Variants in ADAP1 observed in about 807,000 individuals in gnomAD.
ADAP1 encodes ArfGAP with dual PH domains 1.
Under a neutral mutation model 54.9 loss-of-function variants are expected in ADAP1, and 31 were observed. The observed-to-expected ratio is 0.56, with a 90% CI of 0.42 to 0.76. The LOEUF (loss-of-function observed/expected upper bound fraction) is 0.76. Among genes scored for constraint, ADAP1 ranks in the 30% least tolerant of loss-of-function variants. The probability of loss-of-function intolerance (pLI) is 0.00; values close to 1 mark genes in which losing one functional copy is unlikely to be tolerated. For synonymous variants in ADAP1, 313 were observed against 202.6 expected (o/e 1.55, Z -4.63); for missense variants, 535 against 512.4 (o/e 1.04, Z -0.42).
At chr7:947,078 C>CA (rs1847158993) in intron 1 of ADAP1, among the ~76,000 whole-genome samples, 1 of 152,038 alleles carries the variant, frequency 6.6e-6, no homozygotes, top group African/African-American at 2.4e-5. Flanking sequence ...GGGTCTCTGT[C>CA]ACTCAGGCTG....
At chr7:916,845 G>C (rs1845954214) in intron 4 of ADAP1, among the ~76,000 whole-genome samples, 1 of 152,044 alleles carries the variant, frequency 6.6e-6, no homozygotes, top group East Asian at 1.9e-4. Context: ...GCCTTGCTCA[G>C]GCCTGGGGCA....
intron 3 of ADAP1, among the ~76,000 whole-genome samples, chr7:924,826 G>C (rs1230063658): frequency 6.6e-6 from 1 of 152,086 alleles, no homozygotes; most frequent in Non-Finnish European, 1.5e-5. Context: ...CCACAGAGCA[G>C]CTGGGGGCGG....
intron 4 of ADAP1, among the ~76,000 whole-genome samples, chr7:912,170 C>A: frequency 6.6e-6 from 1 of 152,192 alleles, no homozygotes; most frequent in Non-Finnish European, 1.5e-5. Context: ...CAGGAGGGGC[C>A]GTCCTGAACC....
At chr7:936,118 C>T (rs1169282723) in intron 1 of ADAP1, among the ~76,000 whole-genome samples, 2 of 152,178 alleles carry the variant, frequency 1.3e-5, no homozygotes, top group Non-Finnish European at 2.9e-5. Context: ...CTAGGGATTC[C>T]ACGTCTCGAT....
In ADAP1 at chr7:946,790, G is replaced by A. The variant is rs1847151772; in HGVS notation, c.82+7606C>T. On this transcript the variant is annotated intron_variant, in intron 1 of 10. Coordinates refer to ENST00000265846, the MANE Select transcript of ADAP1 (RefSeq NM_006869.4). The surrounding 1 kb of genome is among the most constrained non-coding windows in gnomAD (Gnocchi z 4.3). ...ATTTTTGGAACTCGATAGAGGTGGT[G>A]GTTGAACAGCATGGAGAACGTTCTA... Among the ~76,000 whole-genome samples, 3 of 152,350 alleles carry A rather than the reference G, an allele frequency of 2.0e-5. No individual in the cohort carries two copies. The highest frequency in any genetic ancestry group is 2.0e-4 in the Admixed American group (3 of 15,294).
Position 926,035 on chromosome 7 carries a change from G to A in ADAP1, c.305+518C>T, listed in dbSNP as rs547793902. Among the ~76,000 whole-genome samples the A allele has an allele frequency of 1.7e-4, 26 of 152,236 alleles. No homozygotes were observed. Among genetic ancestry groups the A allele is most frequent in the Admixed American group, 8.5e-4 (13 of 15,294 alleles). On this transcript the variant is annotated intron_variant, in intron 3 of 10. Transcript: ENST00000265846. The surrounding 1 kb of genome is among the most constrained non-coding windows in gnomAD (Gnocchi z 4.6). ...CGGGCAGATGGGGAGACTGAGGCTTGGAGGGGCGGGTGTTGGTGAAGGCGG... is the reference window on the plus strand; with the variant it reads ...CGGGCAGATGGGGAGACTGAGGCTTAGAGGGGCGGGTGTTGGTGAAGGCGG...
intron 1 of ADAP1, among the ~76,000 whole-genome samples, chr7:953,375 CAG>C (rs1847313405): frequency 6.6e-6 from 1 of 152,228 alleles, no homozygotes; most frequent in Non-Finnish European, 1.5e-5. Flanking sequence ...CTGGGGCTGG[CAG>C]AGACCCCTCC....
chr7:920,636 G>T lies in ADAP1; in HGVS notation c.306-586C>A. The T allele has an allele frequency of 1.5e-6, 1 of 683,196 alleles. No individual in the cohort carries two copies. The highest frequency in any genetic ancestry group is 2.4e-6 in the Non-Finnish European group (1 of 416,034). The allele number at this position is 683,196 out of a possible 1,614,324, so 42.3% of individuals were successfully genotyped here. ...TCCGGGGCATCAGGAGAAACTACCG[G>T]CAAATACCCAAGAATCCAGGAAGAC... is the stretch of plus-strand genomic sequence containing the variant. On this transcript the variant is annotated intron_variant, in intron 3 of 10. Coordinates refer to ENST00000265846, the MANE Select transcript of ADAP1 (RefSeq NM_006869.4). The surrounding 1 kb of genome is among the most constrained non-coding windows in gnomAD (Gnocchi z 4.5).
Position 905,040 on chromosome 7 carries a change from C to T in ADAP1, c.501+20G>A, listed in dbSNP as rs1261447151. 6.2e-7 allele frequency: 1 copy of T among 1,601,366 alleles called. No homozygotes were observed. ...GCCGCCCTGGGACAGGCCCCCACCC[C>T]ACCCCCGTCTGTGACTCACATCATT... On this transcript the variant is annotated intron_variant, in intron 5 of 10. Transcript: ENST00000265846.
intron 3 of ADAP1, among the ~76,000 whole-genome samples, chr7:925,361 TAAAAAA>T (rs5881885): frequency 3.3e-4 from 37 of 111,336 alleles, no homozygotes; most frequent in Admixed American, 2.0e-3. Context: ...TCTCTATATT[TAAAAAA>T]AAAAAAAAAA....
In ADAP1 at chr7:897,983, A is replaced by C. The variant is rs1048199380; in HGVS notation, c.*938T>G. 1 of 152,190 alleles carries C rather than the reference A, an allele frequency of 6.6e-6. No individual in the cohort carries two copies. Among genetic ancestry groups the C allele is most frequent in the African/African-American group, 2.4e-5 (1 of 41,432 alleles). The allele number at this position is 152,190 out of a possible 1,614,324, so 9.4% of individuals were successfully genotyped here. A position where few individuals can be genotyped will look rare whatever the true frequency, so the allele number is the denominator to read the frequency against. On this transcript the variant is annotated 3_prime_UTR_variant, in exon 11 of 11. Transcript: ENST00000265846. ...GGCCTCGGAAACCCCCTCCCTGCCT[A>C]TGAGGGCTTGTCCAGGGCTCCCCTG...
chr7:931,482 T>C (rs1846577430), intron 2 of ADAP1, among the ~76,000 whole-genome samples: 1 of 151,978 alleles, frequency 6.6e-6, no homozygotes, highest in Non-Finnish European at 1.5e-5. Flanking sequence ...ACGCCGAAGC[T>C]CACACGCCGT....
At chr7:902,804 T>C (rs1457748942) in intron 6 of ADAP1, among the ~76,000 whole-genome samples, 1 of 145,014 alleles carries the variant, frequency 6.9e-6, no homozygotes, top group East Asian at 2.0e-4. Context: ...CGCACAGCAT[T>C]GGAGAATTTC....
At chr7:924,009 A>AC (rs1334854962) in intron 3 of ADAP1, among the ~76,000 whole-genome samples, 1 of 134,584 alleles carries the variant, frequency 7.4e-6, no homozygotes, top group Non-Finnish European at 1.6e-5. Context: ...GGATGTAGGC[A>AC]CCCCCCGCCC....
intron 6 of ADAP1, chr7:901,495 C>G (rs943988963): frequency 2.3e-5 from 4 of 170,312 alleles, no homozygotes; most frequent in African/African-American, 9.6e-5. Context: ...ACAGGCAAAG[C>G]CCCCAGCACT....
Position 906,669 on chromosome 7 carries a change from G to GA in ADAP1, c.389-1498_389-1497insT, listed in dbSNP as rs1562915049. Among the ~76,000 whole-genome samples the GA allele has an allele frequency of 6.8e-4, 71 of 104,362 alleles. 4 individuals carry two copies. Among genetic ancestry groups the GA allele is most frequent in the East Asian group, 6.3e-3 (13 of 2,054 alleles). The allele number at this position is 104,362 out of a possible 152,430, so 68.5% of individuals were successfully genotyped here. A position where few individuals can be genotyped will look rare whatever the true frequency, so the allele number is the denominator to read the frequency against. ...GAAAGGAGAAAGGGGGCGGGAAAGG[G>GA]GACATGGACAGGGGACACGGGGGAC... On this transcript the variant is annotated intron_variant, in intron 4 of 10. Coordinates refer to ENST00000265846, the MANE Select transcript of ADAP1 (RefSeq NM_006869.4).
intron 5 of ADAP1, 123 bp downstream of exon 5, chr7:904,936 TC>T: frequency 2.5e-6 from 2 of 812,422 alleles, no homozygotes; most frequent in Non-Finnish European, 4.0e-6. Flanking sequence ...TCCTGGAGCG[TC>T]CCCATCGGGG....
intron 4 of ADAP1, 36 bp downstream of exon 4, chr7:919,932 T>C (rs1177643061): frequency 6.8e-7 from 1 of 1,480,594 alleles, no homozygotes; most frequent in Admixed American, 1.9e-5. Flanking sequence ...CAGGGAGAGG[T>C]AGCCGGGAGG....
intron 1 of ADAP1, among the ~76,000 whole-genome samples, chr7:942,429 G>A: frequency 9.7e-6 from 1 of 103,338 alleles, no homozygotes; most frequent in African/African-American, 3.8e-5. Flanking sequence ...GAGAGAGGAG[G>A]AGGAAGGGAG....
Sources: gnomAD v4.1 joint callset for allele counts (sites outside exome capture counted in the v4.1 genomes callset) on GRCh38, gnomAD v4.1.1 for gene constraint, Gnocchi (gnomAD v3.1) non-coding constraint, MANE v1.5 for transcripts, NCBI Gene and HGNC (gene_info 2026-07-23, HGNC 2026-07-21) for gene names.